SETD5: variants seen among roughly 807,000 people sequenced by gnomAD.
SETD5 encodes the protein histone-lysine N-methyltransferase SETD5.
In SETD5, 44 loss-of-function variants were observed where a neutral mutation model predicts 153.3. The ratio of observed to expected loss-of-function variants is 0.29; its 90% CI spans 0.23 to 0.37. The LOEUF (loss-of-function observed/expected upper bound fraction) is 0.37. Among genes scored for constraint, SETD5 ranks in the 10% least tolerant of loss-of-function variants. SETD5 has a pLI of 1.00. For synonymous variants in SETD5, 716 were observed against 645.2 expected, an observed-to-expected ratio of 1.11 and a Z score of -1.66; for missense variants, 1,544 against 1,768.0, an observed-to-expected ratio of 0.87 and a Z score of 2.27.
chr3:9,474,388 A>C (rs1013770887), intron 20 of SETD5, 61 bp from the exon 21 acceptor site: 2 of 1,586,950 alleles, frequency 1.3e-6, no homozygotes, highest in South Asian at 2.2e-5. Flanking sequence ...TGCACTGGTT[A>C]GGGCTTCATT....
intron 7 of SETD5, among the ~76,000 whole-genome samples, chr3:9,438,968 T>C (rs1223196439): frequency 6.6e-6 from 1 of 152,202 alleles, no homozygotes; most frequent in Non-Finnish European, 1.5e-5. Flanking sequence ...TCTAATGCCT[T>C]GAAGGATGGG....
intron 3 of SETD5, chr3:9,433,627 G>A: frequency 2.0e-6 from 2 of 1,022,268 alleles, no homozygotes; most frequent in Non-Finnish European, 2.7e-6. Flanking sequence ...ACATCTGCCT[G>A]TACTGGCTTC....
chr3:9,418,827 A>G (rs1248488558), intron 1 of SETD5, among the ~76,000 whole-genome samples: 1 of 151,912 alleles, frequency 6.6e-6, no homozygotes, highest in African/African-American at 2.4e-5. Context: ...TGTGAATCAC[A>G]TACATAAACA....
chr3:9,474,916 T>C (rs1372800773), intron 21 of SETD5, 152 bp from the exon 22 acceptor site: 19 of 672,428 alleles, frequency 2.8e-5, no homozygotes, highest in Non-Finnish European at 4.7e-5. Flanking sequence ...TAACCACTCA[T>C]TTTGCCCTTC....
chr3:9,461,637 C>T (rs1444105218), intron 17 of SETD5, among the ~76,000 whole-genome samples: 1 of 152,168 alleles, frequency 6.6e-6, no homozygotes, highest in Non-Finnish European at 1.5e-5. Flanking sequence ...TTCTTAAGGG[C>T]AGACATCAGG....
chr3:9,462,626 G>A (rs551333866), intron 17 of SETD5, among the ~76,000 whole-genome samples: 23 of 147,468 alleles, frequency 1.6e-4, no homozygotes, highest in Non-Finnish European at 3.3e-4. Context: ...AGATAGATGG[G>A]GCCAGGCGTG....
At chr3:9,398,563 T>G (rs1004322960) in intron 1 of SETD5, 1 of 152,282 alleles carries the variant, frequency 6.6e-6, no homozygotes, top group African/African-American at 2.4e-5. Flanking sequence ...CCCCGTGGCG[T>G]GTGCCACAGC....
intron 1 of SETD5, among the ~76,000 whole-genome samples, chr3:9,421,712 T>C (rs1488638977): frequency 6.6e-6 from 1 of 152,212 alleles, no homozygotes. Flanking sequence ...TAAAAACTTA[T>C]TAGCTACTTT....
At chr3:9,448,815 G>A (rs1376635922) in intron 16 of SETD5, among the ~76,000 whole-genome samples, 185 bp downstream of exon 16, 3 of 152,180 alleles carry the variant, frequency 2.0e-5, no homozygotes, top group Admixed American at 1.3e-4. Context: ...GTGAGACTGT[G>A]GTGGAATGAA....
At position 9,475,750 on chromosome 3, in the gene SETD5, A is replaced by G. The variant is rs758193465; in HGVS notation, c.3988A>G (p.Ser1330Gly). The stretch of plus-strand genomic sequence containing the variant: ...TAGCAGCCAGCCACATTCTGGAAAC[A>G]GCACTGGCAGCAATCTTCCAAGGAG... The part of the protein sequence containing the change: ...YFSSQPHSGN[S>G]TGSNLPRRSC... The change falls in exon 23 of 23, where the codon AGC (serine) becomes GGC (glycine). Residue 1330 changes from serine (S) to glycine (G), a missense_variant. Coordinates refer to ENST00000402198, the MANE Select transcript of SETD5 (RefSeq NM_001080517.3). The G allele has an allele frequency of 4.3e-6, 7 of 1,613,954 alleles. No homozygotes were observed. Among genetic ancestry groups the G allele is most frequent in the Non-Finnish European group, 5.9e-6 (7 of 1,179,862 alleles).
chr3:9,412,905 C>A (rs1040742718), intron 1 of SETD5, among the ~76,000 whole-genome samples: 1 of 151,116 alleles, frequency 6.6e-6, no homozygotes, highest in Non-Finnish European at 1.5e-5. Context: ...TACTTTCATA[C>A]TTTATTTGAA....
chr3:9,429,962 G>C (rs1195046695), intron 3 of SETD5: 2 of 1,290,716 alleles, frequency 1.5e-6, no homozygotes, highest in African/African-American at 1.5e-5. Context: ...CAGTACCAGG[G>C]ATTAGGGTCT....
Position 9,476,718 on chromosome 3 carries a change from G to C in SETD5, c.*627G>C, listed in dbSNP as rs1399450173. On this transcript the variant is annotated 3_prime_UTR_variant, in exon 23 of 23. Transcript: ENST00000402198. ...GCTTGGAACCTGCACCAACTGGAGG[G>C]TGCCTGGCTCTTTGAAGAAAAGCTC... 6.6e-6 allele frequency: 1 copy of C among 152,540 alleles called. No individual in the cohort carries two copies. The highest frequency in any genetic ancestry group is 2.4e-5 in the African/African-American group (1 of 41,424). The allele number at this position is 152,540 out of a possible 1,614,324, so 9.4% of individuals were successfully genotyped here.
chr3:9,462,674 CAGGT>C (rs1345616824), intron 17 of SETD5, among the ~76,000 whole-genome samples: 7 of 151,360 alleles, frequency 4.6e-5, no homozygotes, highest in Non-Finnish European at 5.9e-5. Context: ...TTGGGAGGCT[CAGGT>C]GGGTGGATCA....
intron 1 of SETD5, among the ~76,000 whole-genome samples, chr3:9,411,911 A>G (rs2036621509): frequency 6.6e-6 from 1 of 152,210 alleles, no homozygotes; most frequent in Non-Finnish European, 1.5e-5. Flanking sequence ...CTTCACAAGT[A>G]TACCAGTGCT....
In SETD5 at chr3:9,476,574, A is replaced by G. The variant is rs1044353091; in HGVS notation, c.*483A>G. 3.2e-5 allele frequency: 5 copies of G among 155,200 alleles called. No individual in the cohort carries two copies. The highest frequency in any genetic ancestry group is 9.7e-5 in the African/African-American group (4 of 41,432). The allele number at this position is 155,200 out of a possible 1,614,324, so 9.6% of individuals were successfully genotyped here. On this transcript the variant is annotated 3_prime_UTR_variant, in exon 23 of 23. Coordinates refer to ENST00000402198, the MANE Select transcript of SETD5 (RefSeq NM_001080517.3). Reference sequence around the variant, plus strand: ...TATGCACTTAAGAAAAAAGGTAGGTATGTAAATGTTCATCCTAAGACAACC... The same window carrying G: ...TATGCACTTAAGAAAAAAGGTAGGTGTGTAAATGTTCATCCTAAGACAACC...
At chr3:9,429,236 A>G (rs1028877629) in intron 3 of SETD5, 4 of 300,180 alleles carry the variant, frequency 1.3e-5, no homozygotes. Flanking sequence ...AATTAATAGA[A>G]CCAAAGTTGC....
intron 7 of SETD5, among the ~76,000 whole-genome samples, 152 bp from the exon 8 acceptor site, chr3:9,440,304 C>T (rs981351338): frequency 1.3e-5 from 2 of 152,148 alleles, no homozygotes; most frequent in Non-Finnish European, 2.9e-5. Flanking sequence ...TGATAGAAAC[C>T]AGATCCTCTG....
chr3:9,428,020 G>A lies in SETD5; in HGVS notation c.-116-803G>A, dbSNP rs148671645. 1.5e-4 allele frequency among the ~76,000 whole-genome samples: 23 copies of A among 152,092 alleles called. No homozygotes were observed. In the East Asian group the frequency reaches 2.5e-3, roughly 17 times the overall value. The stretch of plus-strand genomic sequence containing the variant: ...TCTTTATCATGAAACTGTACTCTTC[G>A]TGATTTCGGGGGTTTTTTTGTTGTT... On this transcript the variant is annotated intron_variant, in intron 2 of 22. Transcript: ENST00000402198.
Sources: gnomAD v4.1 joint callset for allele counts (sites outside exome capture counted in the v4.1 genomes callset) on GRCh38, gnomAD v4.1.1 for gene constraint, MANE v1.5 for transcripts, NCBI Gene and HGNC (gene_info 2026-07-23, HGNC 2026-07-21) for gene names.